EP300: variants seen among roughly 807,000 people sequenced by gnomAD.
The protein encoded by EP300 is histone acetyltransferase p300.
A neutral mutation model predicts 264.0 loss-of-function variants in EP300; 31 were observed. The ratio of observed to expected loss-of-function variants is 0.12; its 90% CI spans 0.09 to 0.16. The LOEUF (loss-of-function observed/expected upper bound fraction) is 0.16, where lower values mean the gene tolerates loss of function less well. Among genes scored for constraint, EP300 ranks in the 10% least tolerant of loss-of-function variants. The probability of loss-of-function intolerance (pLI) is 1.00; values close to 1 mark genes in which losing one functional copy is unlikely to be tolerated. For synonymous variants in EP300, 1,340 were observed against 1,045.4 expected (o/e 1.28, Z -5.44); for missense variants, 2,766 against 3,052.9 (o/e 0.91, Z 2.21).
chr22:41,177,723 G>A lies in EP300; in HGVS notation c.6012G>A (p.Gln2004=). 1 of 1,613,834 alleles carries A rather than the reference G, an allele frequency of 6.2e-7. No homozygotes were observed. The highest frequency in any genetic ancestry group is 1.1e-5 in the South Asian group (1 of 91,084). Residue 2004 remains glutamine (Q), a synonymous_variant, in exon 31 of 31, where the codon CAG becomes CAA. Transcript: ENST00000263253. Reference sequence around the variant, plus strand: ...GCCAAGGAGGATTGCCTCAGCCCCAGCAACTACAGTCTGGGATGCCAAGGC... The same window carrying A: ...GCCAAGGAGGATTGCCTCAGCCCCAACAACTACAGTCTGGGATGCCAAGGC... ...PWSQGGLPQP[Q]QLQSGMPRPA... is the part of the protein sequence containing the mutation.
chr22:41,160,479 G>T, intron 19 of EP300, 163 bp from the exon 20 acceptor site: 1 of 624,892 alleles, frequency 1.6e-6, no homozygotes, highest in Non-Finnish European at 2.9e-6. Flanking sequence ...CAAACTGTGG[G>T]GCCCATATAT....
rs759053043 is a variant in EP300, at chr22:41,135,779, T to C, written c.1529-34T>C. 1.1e-5 allele frequency: 16 copies of C among 1,477,240 alleles called. No homozygotes were observed. In the South Asian group the frequency reaches 1.8e-4, roughly 17 times the overall value. 91.5% of individuals were successfully genotyped at this position (1,477,240 alleles called of 1,614,324 possible). On this transcript the variant is annotated intron_variant, in intron 6 of 30. Transcript: ENST00000263253. Reference sequence around the variant, plus strand: ...TTTATTGTATGGTGGCTGTTGTATTTATTTCTGTCTCCTGTTATTTCATTT... The same window carrying C: ...TTTATTGTATGGTGGCTGTTGTATTCATTTCTGTCTCCTGTTATTTCATTT...
At position 41,149,125 on chromosome 22, in the gene EP300, G is replaced by A. The variant is rs751005704; in HGVS notation, c.2329G>A (p.Val777Ile). 4 of 1,613,306 alleles carry A rather than the reference G, an allele frequency of 2.5e-6. No homozygotes were observed. The Admixed American group carries it at 6.7e-5, about 27-fold the overall frequency. ...QTQFPSQGMN[V>I]TNIPLAPSSG... Reference sequence around the variant, plus strand: ...TCAGTTCCCATCACAGGGAATGAATGTAACAAATATCCCTTTGGCTCCGTC... The same window carrying A: ...TCAGTTCCCATCACAGGGAATGAATATAACAAATATCCCTTTGGCTCCGTC... The change falls in exon 13 of 31, where the codon GTA becomes ATA. Residue 777 changes from valine to isoleucine, a missense_variant. Transcript: ENST00000263253.
chr22:41,093,136 A>C, intron 1 of EP300, 38 bp downstream of exon 1: 1 of 1,592,166 alleles, frequency 6.3e-7, no homozygotes, highest in East Asian at 2.2e-5. Flanking sequence ...CGTTCCCTTT[A>C]ATCTTTTCTA....
intron 13 of EP300, among the ~76,000 whole-genome samples, 198 bp downstream of exon 13, chr22:41,149,373 T>C (rs144493084): frequency 8.0e-4 from 122 of 152,316 alleles, no homozygotes; most frequent in African/African-American, 2.9e-3. Context: ...TGTTACAAAG[T>C]AGGAAATAAT....
intron 20 of EP300, among the ~76,000 whole-genome samples, chr22:41,161,862 G>A (rs1301260105): frequency 6.6e-6 from 1 of 152,166 alleles, no homozygotes; most frequent in Non-Finnish European, 1.5e-5. Context: ...CAGTGTCTGG[G>A]TGCTAGCTAG....
chr22:41,176,390 C>T lies in EP300; in HGVS notation c.4923C>T (p.Phe1641=), dbSNP rs1167185688. The change falls in exon 30 of 31, where the codon TTC becomes TTT. Residue 1641 remains phenylalanine (F), a synonymous_variant. Transcript: ENST00000263253. ...LTLARDKHLE[F]SSLRRAQWST... ...TGGCAAGGGACAAGCACCTGGAGTTCTCTTCACTCCGAAGAGCCCAGTGGT... is the reference window on the plus strand; with the variant it reads ...TGGCAAGGGACAAGCACCTGGAGTTTTCTTCACTCCGAAGAGCCCAGTGGT... 9 of 1,614,232 alleles carry T rather than the reference C, an allele frequency of 5.6e-6. No individual in the cohort carries two copies. Among genetic ancestry groups the T allele is most frequent in the Non-Finnish European group, 7.6e-6 (9 of 1,180,042 alleles).
chr22:41,150,196 C>A lies in EP300; in HGVS notation c.2815C>A (p.Pro939Thr), dbSNP rs2145737971. The change falls in exon 14 of 31, where the codon CCA becomes ACA. Residue 939 changes from proline to threonine, a missense_variant and splice_region_variant. Transcript: ENST00000263253. Reference protein sequence around the residue: ...APLLPPQPATPLSQPAVSIEG... With the variant: ...APLLPPQPATTLSQPAVSIEG... Reference sequence around the variant, plus strand: ...GCTGCTTCCTCCGCAGCCTGCAACTCCAGTAAGTAGAGATTTGGATTTAGG... The same window carrying A: ...GCTGCTTCCTCCGCAGCCTGCAACTACAGTAAGTAGAGATTTGGATTTAGG... 4 of 1,604,434 alleles carry A rather than the reference C, an allele frequency of 2.5e-6. No homozygotes were observed. Among genetic ancestry groups the A allele is most frequent in the Non-Finnish European group, 3.4e-6 (4 of 1,177,976 alleles).
chr22:41,148,708 C>A (rs1005533196), intron 12 of EP300: 58 of 375,462 alleles, frequency 1.5e-4, no homozygotes, highest in African/African-American at 1.1e-3. Context: ...TTGTGATTAA[C>A]TCTCCTCACT....
chr22:41,155,156 TAAC>T (rs781550064), intron 17 of EP300, 43 bp downstream of exon 17: 2 of 1,315,264 alleles, frequency 1.5e-6, no homozygotes, highest in Admixed American at 3.4e-5. Flanking sequence ...TTTAATTTGA[TAAC>T]AGCTTTATTG....
At chr22:41,116,643 T>C (rs756217405) in intron 1 of EP300, among the ~76,000 whole-genome samples, 3 of 152,324 alleles carry the variant, frequency 2.0e-5, no homozygotes, top group Middle Eastern at 3.4e-3. Flanking sequence ...ATCCCTTTTT[T>C]CCTTGGTCTT....
chr22:41,160,426 A>AC (rs2059101508), intron 19 of EP300: 1 of 515,402 alleles, frequency 1.9e-6, no homozygotes, highest in Non-Finnish European at 3.5e-6. Context: ...TTGCAAAAAA[A>AC]AAAACAAAAA....
intron 27 of EP300, among the ~76,000 whole-genome samples, chr22:41,170,846 G>A (rs1288542200): frequency 6.6e-6 from 1 of 151,202 alleles, no homozygotes; most frequent in African/African-American, 2.4e-5. Context: ...TGTATTTTTA[G>A]TAGAGACGGG....
chr22:41,166,756 C>A, intron 23 of EP300, 90 bp downstream of exon 23: 1 of 813,750 alleles, frequency 1.2e-6, no homozygotes, highest in Non-Finnish European at 2.0e-6. Context: ...TGTTTTTAAT[C>A]ACAGTAATAG....
At chr22:41,172,124 G>C (rs1029571010) in intron 27 of EP300, among the ~76,000 whole-genome samples, 2 of 152,140 alleles carry the variant, frequency 1.3e-5, no homozygotes, top group African/African-American at 4.8e-5. Context: ...GAAATTCCAA[G>C]GATGGGTGTG....
intron 1 of EP300, among the ~76,000 whole-genome samples, chr22:41,106,612 T>C (rs1327402754): frequency 6.6e-6 from 1 of 152,180 alleles, no homozygotes; most frequent in Non-Finnish European, 1.5e-5. Context: ...GTGTCCACTC[T>C]TTAAAAACAT....
chr22:41,114,976 T>A lies in EP300; in HGVS notation c.95-2211T>A, dbSNP rs2058813183. Among the ~76,000 whole-genome samples the A allele has an allele frequency of 2.0e-5, 3 of 152,088 alleles. No individual in the cohort carries two copies. The South Asian group carries it at 6.2e-4, about 32-fold the overall frequency. On this transcript the variant is annotated intron_variant, in intron 1 of 30. Coordinates refer to ENST00000263253, the MANE Select transcript of EP300 (RefSeq NM_001429.4). ...GAGGATAATAGCTGTGGAATTTTTG[T>A]TGTTGTTAGTAGACAAGGTCTCACA...
At chr22:41,134,315 T>G (rs2058937767) in intron 6 of EP300, among the ~76,000 whole-genome samples, 1 of 152,124 alleles carries the variant, frequency 6.6e-6, no homozygotes, top group African/African-American at 2.4e-5. Context: ...GAGTTTGGTC[T>G]CGCTGTGTGC....
At chr22:41,176,679 C>T (rs1247569076) in intron 30 of EP300, 94 bp from the exon 31 acceptor site, 129 of 1,612,042 alleles carry the variant, frequency 8.0e-5, no homozygotes, top group South Asian at 2.8e-4. Flanking sequence ...TTTTGTTCTA[C>T]GAAAGGGGCT....
Sources: allele counts gnomAD v4.1 joint callset (sites outside exome capture counted in the v4.1 genomes callset), GRCh38; gene constraint gnomAD v4.1.1; transcripts MANE v1.5; gene names NCBI Gene and HGNC (gene_info 2026-07-23, HGNC 2026-07-21).